The following ADAM7 variants were observed in gnomAD, a reference collection of about 807,000 sequenced individuals.
ADAM7 encodes the protein ADAM metallopeptidase domain 7.
Under a neutral mutation model 102.9 loss-of-function variants are expected in ADAM7, and 97 were observed. The observed-to-expected ratio is 0.94, with a 90% confidence interval of 0.80 to 1.12. ADAM7 has a LOEUF of 1.12. Ranked by LOEUF, ADAM7 falls within the 50% of genes most tolerant of loss-of-function variation. The pLI is 0.00. For synonymous variants in ADAM7, 334 were observed against 304.4 expected, an observed-to-expected ratio of 1.10 and a Z score of -1.01; for missense variants, 991 against 908.7, an observed-to-expected ratio of 1.09 and a Z score of -1.16.
intron 4 of ADAM7, 49 bp downstream of exon 4, chr8:24,464,009 T>G (rs1270783996): frequency 6.5e-7 from 1 of 1,533,154 alleles, no homozygotes; most frequent in Non-Finnish European, 9.0e-7. Flanking sequence ...CAGTATTTCC[T>G]GATGTGATTT....
chr8:24,496,890 T>C (rs1451058340), intron 16 of ADAM7, among the ~76,000 whole-genome samples: 1 of 152,162 alleles, frequency 6.6e-6, no homozygotes, highest in Non-Finnish European at 1.5e-5. Flanking sequence ...GTTAAGACTC[T>C]GGGGGACTGT....
chr8:24,472,009 G>A (rs537227552), intron 7 of ADAM7, among the ~76,000 whole-genome samples: 1 of 150,290 alleles, frequency 6.7e-6, no homozygotes, highest in Non-Finnish European at 1.5e-5. Flanking sequence ...GTATATAAAA[G>A]AGAATTTATG....
intron 1 of ADAM7, 95 bp downstream of exon 1, chr8:24,441,255 A>C: frequency 1.6e-6 from 2 of 1,259,106 alleles, no homozygotes; most frequent in Non-Finnish European, 2.3e-6. Context: ...TAAAAACATT[A>C]AACGTTGATG....
intron 3 of ADAM7, among the ~76,000 whole-genome samples, chr8:24,451,383 G>C (rs1283991412): frequency 6.6e-6 from 1 of 152,126 alleles, no homozygotes; most frequent in Non-Finnish European, 1.5e-5. Flanking sequence ...TCTTGGGAGG[G>C]TTATGTGTCA....
intron 10 of ADAM7, among the ~76,000 whole-genome samples, chr8:24,486,249 G>T (rs1820141291): frequency 6.6e-6 from 1 of 152,080 alleles, no homozygotes; most frequent in Non-Finnish European, 1.5e-5. Context: ...TAATCTGATA[G>T]CCCACCTCTT....
chr8:24,496,380 A>G (rs1425831262), intron 16 of ADAM7, among the ~76,000 whole-genome samples: 1 of 152,220 alleles, frequency 6.6e-6, no homozygotes, highest in African/African-American at 2.4e-5. Flanking sequence ...GATCCCCCAC[A>G]CAGAGTCCTT....
At chr8:24,463,840 T>G in intron 3 of ADAM7, 42 bp from the exon 4 acceptor site, 3 of 1,541,958 alleles carry the variant, frequency 1.9e-6, no homozygotes, top group Non-Finnish European at 2.7e-6. Flanking sequence ...GTCAGGTTTT[T>G]AGAACGAACA....
intron 9 of ADAM7, among the ~76,000 whole-genome samples, chr8:24,484,512 A>T (rs1321818030): frequency 6.6e-6 from 1 of 152,182 alleles, no homozygotes; most frequent in Admixed American, 6.5e-5. Flanking sequence ...GTGTTTTATT[A>T]TAGCTATCAA....
At chr8:24,476,393 C>A in intron 7 of ADAM7, 40 bp from the exon 8 acceptor site, 1 of 1,423,286 alleles carries the variant, frequency 7.0e-7, no homozygotes, top group Admixed American at 1.8e-5. Context: ...TATGCAACTC[C>A]TATTATTAAT....
At chr8:24,491,297 C>T (rs551712662) in intron 13 of ADAM7, among the ~76,000 whole-genome samples, 1 of 152,268 alleles carries the variant, frequency 6.6e-6, no homozygotes, top group African/African-American at 2.4e-5. Flanking sequence ...AACCAGAAAC[C>T]CCAATGGCTC....
chr8:24,474,773 C>T (rs1167850797), intron 7 of ADAM7, among the ~76,000 whole-genome samples: 2 of 151,842 alleles, frequency 1.3e-5, no homozygotes, highest in East Asian at 3.9e-4. Flanking sequence ...TGTACACCTG[C>T]AATCCCAACT....
Position 24,476,416 on chromosome 8 carries a change from G to A in ADAM7, c.634-17G>A, listed in dbSNP as rs777628131. The A allele has an allele frequency of 6.5e-7, 1 of 1,549,900 alleles. No individual in the cohort carries two copies. Among genetic ancestry groups the A allele is most frequent in the African/African-American group, 1.4e-5 (1 of 73,204 alleles). ...TCCTATTATTAATGAATATTAATAT[G>A]ATATTTATATTTCCAGTATCGCAGA... On this transcript the variant is annotated splice_polypyrimidine_tract_variant and intron_variant, in intron 7 of 21. Coordinates refer to ENST00000175238, the MANE Select transcript of ADAM7 (RefSeq NM_003817.4).
chr8:24,483,786 A>G (rs1487023913), intron 9 of ADAM7, among the ~76,000 whole-genome samples: 2 of 152,172 alleles, frequency 1.3e-5, no homozygotes, highest in Non-Finnish European at 2.9e-5. Context: ...CTCTTTATAC[A>G]TGTATTTTTT....
Position 24,501,566 on chromosome 8 carries a change from A to T in ADAM7, c.2198A>T (p.His733Leu). The change falls in exon 20 of 22, where the codon CAT becomes CTT. Residue 733 changes from histidine (H) to leucine (L), a missense_variant. His to Leu is a moderately conservative substitution (Grantham distance 99). Coordinates refer to ENST00000175238, the MANE Select transcript of ADAM7 (RefSeq NM_003817.4). Reference sequence around the variant, plus strand: ...ACTGAGCCAATCCTGCCAGAAATTCATTTCCTAAATGTAAGAAACTTCCAT... The same window carrying T: ...ACTGAGCCAATCCTGCCAGAAATTCTTTTCCTAAATGTAAGAAACTTCCAT... ...IRTEPILPEIHFLNKPASKDS... is the reference protein window; with the variant it reads ...IRTEPILPEILFLNKPASKDS... The T allele has an allele frequency of 6.3e-7, 1 of 1,591,046 alleles. No homozygotes were observed. The highest frequency in any genetic ancestry group is 8.5e-7 in the Non-Finnish European group (1 of 1,173,260).
At chr8:24,463,475 T>C (rs1039081375) in intron 3 of ADAM7, among the ~76,000 whole-genome samples, 1 of 152,168 alleles carries the variant, frequency 6.6e-6, no homozygotes, top group Admixed American at 6.5e-5. Context: ...TTTATCTAAA[T>C]ATGTAGCTGT....
chr8:24,463,996 A>G (rs536854278), intron 4 of ADAM7, 36 bp downstream of exon 4: 1 of 1,564,824 alleles, frequency 6.4e-7, no homozygotes, highest in South Asian at 1.1e-5. Context: ...TCTTCTCTAA[A>G]AGCAGTATTT....
At chr8:24,447,334 C>A (rs954569388) in intron 3 of ADAM7, 72 bp downstream of exon 3, 4 of 774,274 alleles carry the variant, frequency 5.2e-6, no homozygotes, top group Non-Finnish European at 7.7e-6. Flanking sequence ...GTAAAAACTG[C>A]CAGTGAAGAG....
intron 2 of ADAM7, among the ~76,000 whole-genome samples, chr8:24,443,221 A>G (rs1818433730): frequency 6.6e-6 from 1 of 152,160 alleles, no homozygotes; most frequent in Admixed American, 6.5e-5. Context: ...GGGCTCATAG[A>G]GAATACTGAC....
At chr8:24,446,652 T>C (rs1818568857) in intron 2 of ADAM7, among the ~76,000 whole-genome samples, 1 of 152,032 alleles carries the variant, frequency 6.6e-6, no homozygotes, top group East Asian at 1.9e-4. Flanking sequence ...TAGGAAATAG[T>C]CATGATTTAT....
Sources: gnomAD v4.1 joint callset for allele counts (sites outside exome capture counted in the v4.1 genomes callset) on GRCh38, gnomAD v4.1.1 for gene constraint, MANE v1.5 for transcripts, NCBI Gene and HGNC (gene_info 2026-07-23, HGNC 2026-07-21) for gene names.